The following DCDC1 variants were observed in gnomAD, a reference collection of about 807,000 sequenced individuals.
The protein encoded by DCDC1 is doublecortin domain-containing protein 1.
DCDC1 carries 200 observed loss-of-function variants against 178.3 expected under a neutral mutation model. That is an observed-to-expected ratio of 1.12 (90% confidence interval 1.00 to 1.26). DCDC1 has a LOEUF of 1.26. Ranked by LOEUF, DCDC1 falls within the 50% of genes most tolerant of loss-of-function variation. The probability of loss-of-function intolerance (pLI) is 0.00; values close to 1 mark genes in which losing one functional copy is unlikely to be tolerated. For missense variants in DCDC1, 1,983 were observed against 1,749.2 expected, an observed-to-expected ratio of 1.13 and a Z score of -2.38; for synonymous variants, 690 against 604.8, an observed-to-expected ratio of 1.14 and a Z score of -2.07.
intron 5 of DCDC1, 92 bp downstream of exon 5, chr11:31,306,140 G>A: frequency 4.1e-6 from 5 of 1,215,014 alleles, no homozygotes; most frequent in Non-Finnish European, 5.4e-6. Context: ...TTCTCAAAAA[G>A]AAAATATTAA....
At chr11:31,304,017 G>C (rs1292727721) in intron 6 of DCDC1, among the ~76,000 whole-genome samples, 2 of 152,172 alleles carry the variant, frequency 1.3e-5, no homozygotes, top group Non-Finnish European at 2.9e-5. Flanking sequence ...GCATGTCACA[G>C]TGAAACACAG....
intron 9 of DCDC1, among the ~76,000 whole-genome samples, chr11:31,162,184 A>G (rs1035832866): frequency 1.1e-4 from 16 of 152,198 alleles, no homozygotes; most frequent in Non-Finnish European, 2.2e-4. Context: ...GAATTATGTT[A>G]TTTCAAATAA....
intron 9 of DCDC1, among the ~76,000 whole-genome samples, chr11:31,157,268 G>A (rs967959725): frequency 3.3e-5 from 5 of 149,432 alleles, no homozygotes; most frequent in African/African-American, 1.2e-4. Flanking sequence ...GCACACACCT[G>A]TAGTCCTAGC....
chr11:31,187,200 T>C (rs1157667159), intron 9 of DCDC1, among the ~76,000 whole-genome samples: 1 of 152,174 alleles, frequency 6.6e-6, no homozygotes, highest in African/African-American at 2.4e-5. Context: ...ACATAGTAGG[T>C]ACTTAGTAAA....
chr11:31,213,591 G>A (rs564103043), intron 9 of DCDC1, among the ~76,000 whole-genome samples: 4 of 151,772 alleles, frequency 2.6e-5, no homozygotes, highest in Admixed American at 2.6e-4. Flanking sequence ...GTGGTGGCGG[G>A]CACCTGTAAT....
chr11:31,219,840 A>C (rs1974041971), intron 9 of DCDC1, among the ~76,000 whole-genome samples: 1 of 152,154 alleles, frequency 6.6e-6, no homozygotes, highest in Non-Finnish European at 1.5e-5. Flanking sequence ...TTACAGGTAT[A>C]ATCTCACAAC....
intron 1 of DCDC1, among the ~76,000 whole-genome samples, chr11:31,361,473 C>T (rs983646617): frequency 6.6e-6 from 1 of 152,006 alleles, no homozygotes; most frequent in African/African-American, 2.4e-5. Flanking sequence ...AAAATTGAAC[C>T]AAATATATTT....
rs533095217 is a variant in DCDC1 at position 31,298,871 on chromosome 11, C to G, written c.754+6744G>C. Among the ~76,000 whole-genome samples the G allele has an allele frequency of 3.9e-5, 6 of 152,258 alleles. No individual in the cohort carries two copies. The South Asian group carries it at 1.0e-3, about 26-fold the overall frequency. On this transcript the variant is annotated intron_variant, in intron 6 of 38. Coordinates refer to ENST00000684477, the MANE Select transcript of DCDC1 (RefSeq NM_001387274.1). ...AAGCAGCAAACTTGCAACTTCAAAT[C>G]CACAAGCTTATTAAAAAAATTTGTT...
rs183080038 is a variant in DCDC1, at chr11:30,863,754, G to A, written c.*1619C>T. ...TATCCCCCACACCTTAAAGATTATG[G>A]AAATGAGAAATATCTTCTCTTTTAT... is the stretch of plus-strand genomic sequence containing the variant. On this transcript the variant is annotated 3_prime_UTR_variant, in exon 39 of 39. Coordinates refer to ENST00000684477, the MANE Select transcript of DCDC1 (RefSeq NM_001387274.1). The A allele has an allele frequency of 2.0e-5, 3 of 152,346 alleles. No homozygotes were observed. Among genetic ancestry groups the A allele is most frequent in the Admixed American group, 2.0e-4 (3 of 15,308 alleles). The allele number at this position is 152,346 out of a possible 1,614,324, so 9.4% of individuals were successfully genotyped here. A position where few individuals can be genotyped will look rare whatever the true frequency, so the allele number is the denominator to read the frequency against.
intron 36 of DCDC1, among the ~76,000 whole-genome samples, chr11:30,890,639 T>C (rs1295849963): frequency 2.6e-5 from 4 of 152,130 alleles, no homozygotes; most frequent in Admixed American, 6.5e-5. Flanking sequence ...CCGTAAAAAA[T>C]ATAGAACACA....
chr11:30,993,315 C>T (rs908046316), intron 20 of DCDC1, among the ~76,000 whole-genome samples: 5 of 151,840 alleles, frequency 3.3e-5, no homozygotes, highest in Middle Eastern at 3.2e-3. Context: ...TCAGAGATTG[C>T]CCGTGTTATA....
At chr11:31,042,799 C>G (rs1288505781) in intron 20 of DCDC1, among the ~76,000 whole-genome samples, 1 of 152,210 alleles carries the variant, frequency 6.6e-6, no homozygotes, top group East Asian at 1.9e-4. Flanking sequence ...CCAGCAACCT[C>G]TTAGTCTCAG....
intron 20 of DCDC1, among the ~76,000 whole-genome samples, chr11:31,063,686 C>G (rs1374345604): frequency 2.6e-5 from 4 of 151,812 alleles, no homozygotes; most frequent in African/African-American, 9.7e-5. Context: ...CAAGAGCAGC[C>G]TGGGCAATAT....
At chr11:30,929,960 C>T (rs1946830188) in intron 22 of DCDC1, among the ~76,000 whole-genome samples, 1 of 152,046 alleles carries the variant, frequency 6.6e-6, no homozygotes, top group African/African-American at 2.4e-5. Flanking sequence ...ACAACAAAAA[C>T]TCCTCAAAAC....
At chr11:30,996,860 AG>A in intron 20 of DCDC1, among the ~76,000 whole-genome samples, 1 of 152,376 alleles carries the variant, frequency 6.6e-6, no homozygotes, top group East Asian at 1.9e-4. Flanking sequence ...TCACATGAAC[AG>A]AAAATTTTGT....
chr11:31,359,519 G>T (rs1202315868), intron 1 of DCDC1, among the ~76,000 whole-genome samples: 1 of 151,892 alleles, frequency 6.6e-6, no homozygotes, highest in Non-Finnish European at 1.5e-5. Flanking sequence ...CACCAGCATG[G>T]CACATGTATA....
At chr11:31,317,850 A>G (rs903152418) in intron 3 of DCDC1, among the ~76,000 whole-genome samples, 1 of 50,676 alleles carries the variant, frequency 2.0e-5, no homozygotes, top group East Asian at 3.2e-4. Flanking sequence ...TAATTTATTG[A>G]GAGTTTTTAG....
In DCDC1 at chr11:30,920,798, C is replaced by G; in HGVS notation, c.3271G>C (p.Glu1091Gln). The G allele has an allele frequency of 6.2e-7, 1 of 1,613,600 alleles. No individual in the cohort carries two copies. The highest frequency in any genetic ancestry group is 1.1e-5 in the South Asian group (1 of 91,008). ...TACAGAATTTCACTGGAAGCATTTT[C>G]CGTTGTTAGAGGATCTTCTTGCATT... Reference protein sequence around the residue: ...KQMQEDPLTTENASSEILDSH... With the variant: ...KQMQEDPLTTQNASSEILDSH... Residue 1091 changes from glutamate to glutamine, a missense_variant, in exon 25 of 39, where the codon GAA becomes CAA. Coordinates refer to ENST00000684477, the MANE Select transcript of DCDC1 (RefSeq NM_001387274.1).
At chr11:31,355,040 G>A (rs566943862) in intron 1 of DCDC1, among the ~76,000 whole-genome samples, 2 of 152,096 alleles carry the variant, frequency 1.3e-5, no homozygotes, top group African/African-American at 4.8e-5. Context: ...ACTCAAATTA[G>A]GTAGAAATTT....
Sources: gnomAD v4.1 joint callset for allele counts (sites outside exome capture counted in the v4.1 genomes callset) on GRCh38, gnomAD v4.1.1 for gene constraint, MANE v1.5 for transcripts, NCBI Gene and HGNC (gene_info 2026-07-23, HGNC 2026-07-21) for gene names.